Variants in SYTL2 observed in about 807,000 individuals in gnomAD.
SYTL2 encodes the protein synaptotagmin like 2, also known as synaptotagmin-like protein 2.
In SYTL2, 165 loss-of-function variants were observed where a neutral mutation model predicts 198.7. The observed-to-expected ratio is 0.83, with a 90% CI of 0.73 to 0.94. The LOEUF (loss-of-function observed/expected upper bound fraction) is 0.94. Ranked by LOEUF, SYTL2 falls within the 40% of genes least tolerant of loss-of-function variation. The pLI is 0.00. For synonymous variants in SYTL2, 966 were observed against 917.7 expected (o/e 1.05, Z -0.95); for missense variants, 2,835 against 2,582.8 (o/e 1.10, Z -2.12).
In SYTL2 at chr11:85,695,359, G is replaced by A. The variant is rs573912123; in HGVS notation, c.6575-19C>T. The A allele has an allele frequency of 6.5e-7, 1 of 1,539,186 alleles. No homozygotes were observed. Among genetic ancestry groups the A allele is most frequent in the South Asian group, 1.2e-5 (1 of 80,484 alleles). On this transcript the variant is annotated intron_variant, in intron 19 of 19. Transcript: ENST00000359152. ...CTTTTACCTGAAAAAAGGAAGCTTT[G>A]CATTTAGAAAGAAACAGCTCATTGG...
intron 1 of SYTL2, among the ~76,000 whole-genome samples, chr11:85,758,544 C>G (rs1300225256): frequency 6.6e-6 from 1 of 152,178 alleles, no homozygotes; most frequent in Non-Finnish European, 1.5e-5. Flanking sequence ...TATATGTGCT[C>G]CATATTAACA....
chr11:85,753,781 A>G (rs1371224470), intron 2 of SYTL2, among the ~76,000 whole-genome samples: 1 of 151,620 alleles, frequency 6.6e-6, no homozygotes, highest in African/African-American at 2.4e-5. Context: ...AAAAAAAAAA[A>G]AAAAAAAAGA....
At chr11:85,804,030 T>C (rs1358782782) in intron 1 of SYTL2, among the ~76,000 whole-genome samples, 1 of 152,242 alleles carries the variant, frequency 6.6e-6, no homozygotes, top group Non-Finnish European at 1.5e-5. Context: ...ATAAATTATG[T>C]GATTTACCTG....
the SYTL2 span, among the ~76,000 whole-genome samples, chr11:85,833,259 G>T: frequency 1.3e-5 from 2 of 148,838 alleles, no homozygotes; most frequent in South Asian, 4.2e-4. Context: ...ATCTATCATT[G>T]CCAGACTCCA....
chr11:85,725,070 T>C lies in SYTL2; in HGVS notation c.4288A>G (p.Arg1430Gly). ...ACATTGGAGGAATAAAAATCCTTCC[T>C]GTCTGGAACTATGGTGTCCATCGTA... Reference protein sequence around the residue: ...WATMDTIVPDRKDFYSSNVVP... With the variant: ...WATMDTIVPDGKDFYSSNVVP... Residue 1430 changes from arginine (R) to glycine (G), a missense_variant, in exon 8 of 20, where the codon AGG becomes GGG. Physicochemically the swap from Arg to Gly is moderately radical, Grantham distance 125. This residue lies in a region of SYTL2 where 2,645 missense variants were observed against 2,381.7 expected (regional missense o/e 1.11). Transcript: ENST00000359152. 2 of 1,614,224 alleles carry C rather than the reference T, an allele frequency of 1.2e-6. No homozygotes were observed. Among genetic ancestry groups the C allele is most frequent in the Non-Finnish European group, 1.7e-6 (2 of 1,180,018 alleles).
rs867054796 is a variant in SYTL2 at position 85,720,978 on chromosome 11, G to A, written c.5327-19C>T. Reference sequence around the variant, plus strand: ...TCTGAACCTGTTATAAAACAAAATCGATGAACACTGCACAATACCAAAAAA... The same window carrying A: ...TCTGAACCTGTTATAAAACAAAATCAATGAACACTGCACAATACCAAAAAA... On this transcript the variant is annotated intron_variant, in intron 8 of 19. Transcript: ENST00000359152. 6.8e-6 allele frequency: 10 copies of A among 1,477,744 alleles called. No individual in the cohort carries two copies. Among genetic ancestry groups the A allele is most frequent in the Middle Eastern group, 1.7e-4 (1 of 5,750 alleles). The allele number at this position is 1,477,744 out of a possible 1,614,324, so 91.5% of individuals were successfully genotyped here.
At chr11:85,717,178 A>G (rs554234583) in intron 11 of SYTL2, 3 of 175,216 alleles carry the variant, frequency 1.7e-5, no homozygotes, top group East Asian at 1.6e-4. Flanking sequence ...GAAGGTGCCA[A>G]CTTGCTTTTA....
In SYTL2 at chr11:85,726,582, T is replaced by C. The variant is rs765991006; in HGVS notation, c.2776A>G (p.Ile926Val). The C allele has an allele frequency of 1.9e-6, 3 of 1,575,926 alleles. No individual in the cohort carries two copies. The highest frequency in any genetic ancestry group is 2.2e-5 in the South Asian group (2 of 88,904). ...VADSLPSRRNITLPALQPPSN... is the reference protein window; with the variant it reads ...VADSLPSRRNVTLPALQPPSN... ...GGAGGTTGCAGTGCTGGTAAAGTAA[T>C]GTTTCTTCTAGAAGGCAAACTGTCT... Residue 926 changes from isoleucine to valine, a missense_variant, in exon 8 of 20, where the codon ATT (isoleucine) becomes GTT (valine). Physicochemically the swap from Ile to Val is conservative, Grantham distance 29. Around this residue, in one of 3 missense-constraint regions of SYTL2, gnomAD observed 2,645 missense variants for 2,381.7 expected, o/e 1.11. Coordinates refer to ENST00000359152, the MANE Select transcript of SYTL2 (RefSeq NM_206927.4).
chr11:85,753,828 A>G (rs1218302852), intron 2 of SYTL2, among the ~76,000 whole-genome samples: 1 of 151,692 alleles, frequency 6.6e-6, no homozygotes. Flanking sequence ...TCTCCAAAGT[A>G]TCTTGAATGA....
Position 85,720,877 on chromosome 11 carries a change from G to A in SYTL2, c.5409C>T (p.Asp1803=). The change falls in exon 9 of 20, where the codon GAC becomes GAT. Residue 1803 remains aspartate, a synonymous_variant. Transcript: ENST00000359152. ...TCTCACTTGATGAATCTGATGAAAT[G>A]TCTTCTAGACTTTTGGAAGGCATTT... ...ARKMPSKSLE[D]ISSDSSNQAK... 3 of 1,612,530 alleles carry A rather than the reference G, an allele frequency of 1.9e-6. No individual in the cohort carries two copies. Among genetic ancestry groups the A allele is most frequent in the Non-Finnish European group, 2.5e-6 (3 of 1,178,646 alleles).
chr11:85,789,358 A>ATG lies in SYTL2; in HGVS notation c.-390+21595_-390+21596insCA, dbSNP rs1566026138. Among the ~76,000 whole-genome samples, 106 of 59,736 alleles carry ATG rather than the reference A, an allele frequency of 1.8e-3. 3 individuals carry two copies. The highest frequency in any genetic ancestry group is 6.4e-3 in the African/African-American group (98 of 15,302). 39.2% of individuals were successfully genotyped at this position (59,736 alleles called of 152,430 possible). Reference sequence around the variant, plus strand: ...TGTGTGTGTATATATATATATATATATATATATATATATATATATGTATAT... The same window carrying ATG: ...TGTGTGTGTATATATATATATATATATGTATATATATATATATATATGTATAT... On this transcript the variant is annotated intron_variant, in intron 1 of 19. Coordinates refer to ENST00000359152, the MANE Select transcript of SYTL2 (RefSeq NM_206927.4).
In SYTL2 at chr11:85,777,630, C is replaced by A. The variant is rs549609415; in HGVS notation, c.-389-19516G>T. On this transcript the variant is annotated intron_variant, in intron 1 of 19. Transcript: ENST00000359152. Reference sequence around the variant, plus strand: ...GTACACTAAAAGAATGGGATTTAATCCCCCCCCAACCCACACCCCCTGCCA... The same window carrying A: ...GTACACTAAAAGAATGGGATTTAATACCCCCCCAACCCACACCCCCTGCCA... 1.2e-4 allele frequency among the ~76,000 whole-genome samples: 18 copies of A among 148,958 alleles called. No individual in the cohort carries two copies. In the East Asian group the frequency reaches 1.6e-3, roughly 13 times the overall value.
At chr11:85,714,630 G>T (rs190762710) in intron 11 of SYTL2, 123 bp from the exon 12 acceptor site, 53 of 1,447,070 alleles carry the variant, frequency 3.7e-5, no homozygotes, top group Non-Finnish European at 4.8e-5. Flanking sequence ...AAAGTTAAAG[G>T]CAGAGTAGTC....
Position 85,724,672 on chromosome 11 carries a change from ACT to A in SYTL2, c.4684_4685del (p.Ser1562CysfsTer3). 1 of 1,613,880 alleles carries A rather than the reference ACT, an allele frequency of 6.2e-7. No individual in the cohort carries two copies. Among genetic ancestry groups the A allele is most frequent in the Non-Finnish European group, 8.5e-7 (1 of 1,179,938 alleles). On this transcript the variant is annotated frameshift_variant, in exon 8 of 20. Coordinates refer to ENST00000359152, the MANE Select transcript of SYTL2 (RefSeq NM_206927.4). LOFTEE classifies it high-confidence loss of function. ...GTTTCTCAAAACCAGCATCAAAAGC[ACT>A]CTCAGTTATTAACGGAGCCTCGGCC... ...EKAEAPLITE[S>X]AFDAGFEKLL...
rs568061365 is a variant in SYTL2 at position 85,791,166 on chromosome 11, C to CAAAAAAAAAAAAAAAAAAA, written c.-390+19769_-390+19787dup. On this transcript the variant is annotated intron_variant, in intron 1 of 19. Transcript: ENST00000359152. ...TGGGCAGCAGAGCTAGAGTCTGCCTCAAAAAAAAAAAAAAAAAAAAAAAAA... is the reference window on the plus strand; with the variant it reads ...TGGGCAGCAGAGCTAGAGTCTGCCTCAAAAAAAAAAAAAAAAAAAAAAAAAAAAAAAAAAAAAAAAAAAA... Among the ~76,000 whole-genome samples the CAAAAAAAAAAAAAAAAAAA allele has an allele frequency of 1.3e-4, 5 of 39,514 alleles. 1 individual carries two copies. Among genetic ancestry groups the CAAAAAAAAAAAAAAAAAAA allele is most frequent in the Non-Finnish European group, 2.0e-4 (5 of 25,346 alleles). 25.9% of individuals were successfully genotyped at this position (39,514 alleles called of 152,430 possible).
chr11:85,822,764 G>C, the SYTL2 span, among the ~76,000 whole-genome samples: 1,807 of 152,344 alleles, frequency 0.012, 13 homozygotes, highest in Non-Finnish European at 0.019. Flanking sequence ...TCAGGCCAAA[G>C]AAGTATCAAT....
chr11:85,708,058 G>A (rs528927959), intron 14 of SYTL2: 1 of 395,088 alleles, frequency 2.5e-6, no homozygotes, highest in Non-Finnish European at 4.9e-6. Context: ...AGCTAGTCAG[G>A]AGGCTGAGGC....
intron 2 of SYTL2, 52 bp from the exon 3 acceptor site, chr11:85,748,475 A>G: frequency 6.3e-7 from 1 of 1,586,730 alleles, no homozygotes. Flanking sequence ...TAAATAAATG[A>G]GTTCATTATG....
the SYTL2 span, among the ~76,000 whole-genome samples, chr11:85,843,501 G>A: frequency 6.6e-6 from 1 of 152,150 alleles, no homozygotes; most frequent in Non-Finnish European, 1.5e-5. Context: ...ATTGGAGGGG[G>A]TGGAAGATAA....
Sources: allele counts gnomAD v4.1 joint callset (sites outside exome capture counted in the v4.1 genomes callset), GRCh38; gene constraint gnomAD v4.1.1; regional missense constraint gnomAD v4.1.1; transcripts MANE v1.5; gene names NCBI Gene and HGNC (gene_info 2026-07-23, HGNC 2026-07-21).